The following GAB2 variants were observed in gnomAD, a reference collection of about 807,000 sequenced individuals.
The protein encoded by GAB2 is GRB2-associated-binding protein 2.
GAB2 carries 26 observed loss-of-function variants against 65.5 expected under a neutral mutation model. The observed-to-expected ratio is 0.40, with a 90% CI of 0.29 to 0.55. The LOEUF (loss-of-function observed/expected upper bound fraction) is 0.55, where lower values mean the gene tolerates loss of function less well. Among genes scored for constraint, GAB2 ranks in the 20% least tolerant of loss-of-function variants. The pLI, the probability that GAB2 is intolerant of heterozygous loss-of-function variation, is 0.53. For missense variants in GAB2, 884 were observed against 875.8 expected (o/e 1.01, Z -0.12); for synonymous variants, 321 against 329.6 (o/e 0.97, Z 0.28).
chr11:78,410,314 G>C (rs1025427718), intron 1 of GAB2, among the ~76,000 whole-genome samples: 3 of 152,202 alleles, frequency 2.0e-5, no homozygotes, highest in Admixed American at 6.5e-5. Context: ...GACCAGCCTG[G>C]CCAATATGGT....
chr11:78,278,429 C>A (rs911076878), intron 2 of GAB2, among the ~76,000 whole-genome samples: 1 of 151,606 alleles, frequency 6.6e-6, no homozygotes, highest in Non-Finnish European at 1.5e-5. Context: ...GTCACCCAGG[C>A]TGGAGTGCAG....
At chr11:78,317,098 A>T (rs970190933) in intron 1 of GAB2, among the ~76,000 whole-genome samples, 3 of 152,238 alleles carry the variant, frequency 2.0e-5, no homozygotes, top group Non-Finnish European at 4.4e-5. Flanking sequence ...AGCCAGATTC[A>T]GAGAGACAAA....
intron 1 of GAB2, among the ~76,000 whole-genome samples, chr11:78,407,658 TAAGAAAGAAAGAAAGAAAGAAAGAAAGA>T (rs375405621): frequency 1.7e-5 from 2 of 117,140 alleles, no homozygotes; most frequent in African/African-American, 3.5e-5. Context: ...AGAAAGAAAG[TAAGAAAGAAAGAAAGAAAGAAAGAAAGA>T]AAGAAAGAAA....
intron 2 of GAB2, among the ~76,000 whole-genome samples, chr11:78,265,217 T>TATATATATATATATATATAA (rs1046164029): frequency 6.7e-6 from 1 of 149,890 alleles, no homozygotes; most frequent in Non-Finnish European, 1.5e-5. Flanking sequence ...TATATATATA[T>TATATATATATATATATATAA]ATATATAAAA....
rs751221682 is a variant in GAB2, at chr11:78,220,335, G to C, written c.1871C>G (p.Pro624Arg). The change falls in exon 9 of 10, where the codon CCA (proline) becomes CGA (arginine). Residue 624 changes from proline (P) to arginine (R), a missense_variant. Physicochemically the swap from Pro to Arg is moderately radical, Grantham distance 103 (BLOSUM62 -2). Transcript: ENST00000361507. The stretch of plus-strand genomic sequence containing the variant: ...TCCAGGCACCTTGCGGTGGGGGCTT[G>C]GGGAGCTCGGCTGGAAGTCCAGGGC... ...YLALDFQPSS[P>R]SPHRKPSTSS... 1.2e-6 allele frequency: 2 copies of C among 1,612,626 alleles called. No individual in the cohort carries two copies. The highest frequency in any genetic ancestry group is 1.7e-6 in the Non-Finnish European group (2 of 1,179,700).
chr11:78,261,112 A>G (rs1291703659), intron 2 of GAB2, among the ~76,000 whole-genome samples: 1 of 152,098 alleles, frequency 6.6e-6, no homozygotes, highest in Non-Finnish European at 1.5e-5. Flanking sequence ...AGATATATAT[A>G]TATCTCACGC....
intron 1 of GAB2, 91 bp downstream of exon 1, chr11:78,417,555 C>T (rs1857215381): frequency 1.5e-6 from 1 of 658,248 alleles, no homozygotes; most frequent in South Asian, 5.2e-5. Context: ...GCCCGAGCTC[C>T]CCAGCCTGCC....
rs764556757 is a variant in GAB2, at chr11:78,226,956, T to A, written c.716A>T (p.Asn239Ile). Residue 239 changes from asparagine (N) to isoleucine (I), a missense_variant, in exon 4 of 10, where the codon AAC (asparagine) becomes ATC (isoleucine). Transcript: ENST00000361507. Reference protein sequence around the residue: ...KLAQGNGHCVNGISGQVHGFY... With the variant: ...KLAQGNGHCVIGISGQVHGFY... ...GCCATGGACTTGACCACTGATCCCG[T>A]TGACACAGTGTCCATTGCCCTGGGC... 6.2e-7 allele frequency: 1 copy of A among 1,613,654 alleles called. No homozygotes were observed. Among genetic ancestry groups the A allele is most frequent in the Non-Finnish European group, 8.5e-7 (1 of 1,179,610 alleles).
intron 1 of GAB2, among the ~76,000 whole-genome samples, chr11:78,291,168 C>G (rs921150353): frequency 5.3e-5 from 8 of 151,448 alleles, no homozygotes; most frequent in African/African-American, 9.7e-5. Flanking sequence ...AAGAGTAGAT[C>G]AAGGCTGGGC....
At chr11:78,391,570 G>A (rs1419379150) in intron 1 of GAB2, among the ~76,000 whole-genome samples, 1 of 152,210 alleles carries the variant, frequency 6.6e-6, no homozygotes, top group Admixed American at 6.5e-5. Flanking sequence ...ACTGCCATGA[G>A]AGGAAGCCTG....
intron 1 of GAB2, among the ~76,000 whole-genome samples, chr11:78,392,614 T>C (rs1308736078): frequency 6.6e-6 from 1 of 152,148 alleles, no homozygotes; most frequent in Non-Finnish European, 1.5e-5. Flanking sequence ...GAAGATACTC[T>C]GGACAGAGCA....
intron 1 of GAB2, among the ~76,000 whole-genome samples, chr11:78,316,987 G>A (rs1232275046): frequency 6.6e-6 from 1 of 152,238 alleles, no homozygotes; most frequent in African/African-American, 2.4e-5. Flanking sequence ...ACATGCTACA[G>A]CAGGGATGAA....
At chr11:78,383,681 C>T (rs1194330603) in intron 1 of GAB2, among the ~76,000 whole-genome samples, 1 of 151,842 alleles carries the variant, frequency 6.6e-6, no homozygotes, top group African/African-American at 2.4e-5. Flanking sequence ...TGGCTTCAGC[C>T]CAGGAGGCAG....
At chr11:78,270,191 G>A (rs1865975114) in intron 2 of GAB2, among the ~76,000 whole-genome samples, 2 of 152,112 alleles carry the variant, frequency 1.3e-5, no homozygotes, top group Admixed American at 1.3e-4. Flanking sequence ...GCCGGGCATG[G>A]TAGTGTGCGC....
At position 78,365,448 on chromosome 11, in the gene GAB2, G is replaced by A. The variant is rs146977856; in HGVS notation, c.75+52198C>T. 1.3e-3 allele frequency among the ~76,000 whole-genome samples: 192 copies of A among 152,250 alleles called. 1 individual carries two copies. The highest frequency in any genetic ancestry group is 3.3e-3 in the South Asian group (16 of 4,824). On this transcript the variant is annotated intron_variant, in intron 1 of 9. Coordinates refer to ENST00000361507, the MANE Select transcript of GAB2 (RefSeq NM_080491.3). ...ATTTAGAGGGCAGTGCTAATGCAGC[G>A]CCCTCCTCAACTAACAAAGCCACTG...
chr11:78,375,966 G>C (rs1247250197), intron 1 of GAB2, among the ~76,000 whole-genome samples: 1 of 152,206 alleles, frequency 6.6e-6, no homozygotes, highest in Admixed American at 6.5e-5. Flanking sequence ...GGATACAGCA[G>C]CTCTGTGCAT....
At chr11:78,371,385 A>G (rs1856569743) in intron 1 of GAB2, among the ~76,000 whole-genome samples, 1 of 152,226 alleles carries the variant, frequency 6.6e-6, no homozygotes, top group Non-Finnish European at 1.5e-5. Flanking sequence ...TATAATCAGG[A>G]TATTACATGG....
At chr11:78,358,422 T>C (rs1261503518) in intron 1 of GAB2, among the ~76,000 whole-genome samples, 2 of 140,062 alleles carry the variant, frequency 1.4e-5, no homozygotes, top group African/African-American at 2.7e-5. Flanking sequence ...TGTGCACATG[T>C]ACCCTAGAAC....
chr11:78,224,907 A>G (rs1483922340), intron 5 of GAB2, among the ~76,000 whole-genome samples: 2 of 152,156 alleles, frequency 1.3e-5, no homozygotes, highest in South Asian at 2.1e-4. Context: ...ACCTTAGCAC[A>G]TACATTTCTT....
Sources: allele counts gnomAD v4.1 joint callset (sites outside exome capture counted in the v4.1 genomes callset), GRCh38; gene constraint gnomAD v4.1.1; transcripts MANE v1.5; gene names NCBI Gene and HGNC (gene_info 2026-07-23, HGNC 2026-07-21).